SH3RF2: variants seen among roughly 807,000 people sequenced by gnomAD.
SH3RF2 encodes the protein E3 ubiquitin-protein ligase SH3RF2.
Under a neutral mutation model 59.0 loss-of-function variants are expected in SH3RF2, and 43 were observed. The ratio of observed to expected loss-of-function variants is 0.73; its 90% CI spans 0.57 to 0.94. The LOEUF is 0.94. Among genes scored for constraint, SH3RF2 ranks in the 40% least tolerant of loss-of-function variants. The pLI is 0.00. For synonymous variants in SH3RF2, 391 were observed against 391.5 expected, an observed-to-expected ratio of 1.00 and a Z score of 0.01; for missense variants, 930 against 940.1, an observed-to-expected ratio of 0.99 and a Z score of 0.14.
intron 2 of SH3RF2, among the ~76,000 whole-genome samples, chr5:145,996,705 G>A (rs6876373): frequency 0.61 from 92,339 of 151,990 alleles, 28,330 homozygotes; most frequent in Middle Eastern, 0.8. Flanking sequence ...GACCCAGAAA[G>A]AGTCACTGAC....
At chr5:146,045,269 T>C (rs969782734) in intron 5 of SH3RF2, among the ~76,000 whole-genome samples, 1 of 152,228 alleles carries the variant, frequency 6.6e-6, no homozygotes, top group African/African-American at 2.4e-5. Flanking sequence ...TATGCAGTGC[T>C]AAGAGTTCCT....
chr5:146,045,403 T>G (rs77569817), intron 5 of SH3RF2, among the ~76,000 whole-genome samples: 2,096 of 152,364 alleles, frequency 0.014, 31 homozygotes, highest in Admixed American at 0.023. Flanking sequence ...TATTCACAGA[T>G]GTATAGCCAT....
At chr5:145,997,921 C>T (rs1760235477) in intron 2 of SH3RF2, 2 of 824,472 alleles carry the variant, frequency 2.4e-6, no homozygotes. Context: ...GAATCCACCT[C>T]AGGTGCTACA....
At chr5:146,023,818 G>T (rs1761423748) in intron 5 of SH3RF2, among the ~76,000 whole-genome samples, 1 of 152,090 alleles carries the variant, frequency 6.6e-6, no homozygotes, top group Non-Finnish European at 1.5e-5. Flanking sequence ...TTATAGATTT[G>T]CCTATTCTGG....
chr5:145,990,439 G>T (rs546781450), intron 2 of SH3RF2, among the ~76,000 whole-genome samples: 1 of 152,290 alleles, frequency 6.6e-6, no homozygotes, highest in Non-Finnish European at 1.5e-5. Context: ...CTGTGCTGAG[G>T]GTTTGGGATA....
In SH3RF2 at chr5:145,998,257, T is replaced by G. The variant is rs1419716759; in HGVS notation, c.379-1801T>G. 2.7e-5 allele frequency among the ~76,000 whole-genome samples: 4 copies of G among 148,626 alleles called. No individual in the cohort carries two copies. In the South Asian group the frequency reaches 8.9e-4, roughly 33 times the overall value. On this transcript the variant is annotated intron_variant, in intron 2 of 9. Transcript: ENST00000359120. Reference sequence around the variant, plus strand: ...TTAGGTAGAAGTATTAGCTTGAATTTAATGAGCTTTAGGGGCCCATAGTTA... The same window carrying G: ...TTAGGTAGAAGTATTAGCTTGAATTGAATGAGCTTTAGGGGCCCATAGTTA...
intron 2 of SH3RF2, among the ~76,000 whole-genome samples, chr5:145,970,450 T>C (rs1759036152): frequency 6.6e-6 from 1 of 152,258 alleles, no homozygotes; most frequent in African/African-American, 2.4e-5. Flanking sequence ...AATGCCATTT[T>C]TCATTCCTCT....
At chr5:146,066,725 C>T (rs1368353922), downstream of SH3RF2, among the ~76,000 whole-genome samples, 4 of 152,160 alleles carry the variant, frequency 2.6e-5, no homozygotes, top group Non-Finnish European at 5.9e-5. Context: ...TAGCAATGGA[C>T]CCAAATTCAC....
chr5:145,937,750 G>A (rs1393721332), intron 1 of SH3RF2, 73 bp from the exon 2 acceptor site: 2 of 692,570 alleles, frequency 2.9e-6, no homozygotes, highest in Non-Finnish European at 4.9e-6. Context: ...ATGAGACACT[G>A]CCTCAATGTA....
intron 2 of SH3RF2, among the ~76,000 whole-genome samples, chr5:145,980,152 G>A (rs1667140510): frequency 6.6e-6 from 1 of 152,184 alleles, no homozygotes; most frequent in African/African-American, 2.4e-5. Flanking sequence ...TCTTCTAGGA[G>A]AAAGGCCAGG....
chr5:146,013,495 TC>T (rs899507875), intron 4 of SH3RF2, among the ~76,000 whole-genome samples: 7 of 152,158 alleles, frequency 4.6e-5, no homozygotes, highest in Non-Finnish European at 1.0e-4. Flanking sequence ...CTTATTTTTA[TC>T]CCCTTTGGAC....
intron 2 of SH3RF2, among the ~76,000 whole-genome samples, chr5:145,943,230 TAA>T (rs5871948): frequency 8.6e-5 from 12 of 139,638 alleles, no homozygotes; most frequent in African/African-American, 7.9e-5. Context: ...GGATCTCCAT[TAA>T]AAAAAAAAAA....
At chr5:145,998,113 T>C (rs1411528158) in intron 2 of SH3RF2, 9 of 500,914 alleles carry the variant, frequency 1.8e-5, no homozygotes, top group Non-Finnish European at 3.2e-5. Flanking sequence ...ACATAGAGTA[T>C]TATTTAAACC....
At chr5:146,019,766 A>T (rs1761239522) in intron 5 of SH3RF2, among the ~76,000 whole-genome samples, 3 of 152,044 alleles carry the variant, frequency 2.0e-5, no homozygotes, top group African/African-American at 7.2e-5. Flanking sequence ...TGTGTCATTT[A>T]TTATTTCTTT....
chr5:146,059,884 C>G lies in SH3RF2; in HGVS notation c.1574C>G (p.Pro525Arg), dbSNP rs750172948. 1 of 1,491,436 alleles carries G rather than the reference C, an allele frequency of 6.7e-7. No individual in the cohort carries two copies. The highest frequency in any genetic ancestry group is 2.4e-5 in the East Asian group (1 of 41,816). 92.4% of individuals were successfully genotyped at this position (1,491,436 alleles called of 1,614,324 possible). The change falls in exon 9 of 10, where the codon CCC becomes CGC. Residue 525 changes from proline to arginine, a missense_variant. By Grantham distance (103) the Pro-to-Arg change is moderately radical. Transcript: ENST00000359120. ...TCCCCAGATGGATCCCTGCAGAGACCCCTCCAGTCCGGGATCCCCACTCTC... is the reference window on the plus strand; with the variant it reads ...TCCCCAGATGGATCCCTGCAGAGACGCCTCCAGTCCGGGATCCCCACTCTC... ...SMRKNGSLQR[P>R]LQSGIPTLVV...
intron 9 of SH3RF2, among the ~76,000 whole-genome samples, chr5:146,070,663 A>G (rs1763213877): frequency 6.6e-6 from 1 of 152,202 alleles, no homozygotes; most frequent in South Asian, 2.1e-4. Context: ...ATGATCTCCA[A>G]AATGACCCCC....
At chr5:145,952,652 T>C (rs891935812) in intron 2 of SH3RF2, among the ~76,000 whole-genome samples, 2 of 152,192 alleles carry the variant, frequency 1.3e-5, no homozygotes, top group Non-Finnish European at 2.9e-5. Context: ...TCTAATGGGA[T>C]AGATAAAAGG....
intron 2 of SH3RF2, among the ~76,000 whole-genome samples, chr5:145,994,022 C>T (rs1039527159): frequency 6.6e-6 from 1 of 152,222 alleles, no homozygotes; most frequent in African/African-American, 2.4e-5. Flanking sequence ...CTCTTGAATG[C>T]TTTGCTGCTT....
chr5:145,955,548 C>A (rs1043006404), intron 2 of SH3RF2, among the ~76,000 whole-genome samples: 2 of 152,078 alleles, frequency 1.3e-5, no homozygotes, highest in Admixed American at 6.5e-5. Flanking sequence ...GGACAGGAAT[C>A]TAAAATAAAA....
Sources: allele counts gnomAD v4.1 joint callset (sites outside exome capture counted in the v4.1 genomes callset), GRCh38; gene constraint gnomAD v4.1.1; transcripts MANE v1.5; gene names NCBI Gene and HGNC (gene_info 2026-07-23, HGNC 2026-07-21).